The following SORCS2 variants were observed in gnomAD, a reference collection of about 807,000 sequenced individuals.
SORCS2 encodes the protein VPS10 domain-containing receptor SorCS2.
SORCS2 carries 100 observed loss-of-function variants against 141.6 expected under a neutral mutation model. The observed-to-expected ratio is 0.71, with a 90% CI of 0.60 to 0.83. SORCS2 has a LOEUF of 0.83. Among genes scored for constraint, SORCS2 ranks in the 40% least tolerant of loss-of-function variants. The pLI is 0.00. For missense variants in SORCS2, 1,646 were observed against 1,560.2 expected, an observed-to-expected ratio of 1.05 and a Z score of -0.93; for synonymous variants, 789 against 676.9, an observed-to-expected ratio of 1.17 and a Z score of -2.57.
rs1259042652 is a variant in SORCS2, at chr4:7,704,303, G to C, written c.1868+19G>C. 3 of 1,592,340 alleles carry C rather than the reference G, an allele frequency of 1.9e-6. No individual in the cohort carries two copies. Among genetic ancestry groups the C allele is most frequent in the East Asian group, 2.3e-5 (1 of 44,068 alleles). On this transcript the variant is annotated intron_variant, in intron 14 of 26. Transcript: ENST00000507866. ...TCATGACGTGAGTGCGGGGACCGGG[G>C]AGTGGGCACTGGTGGCAGGGCAGAG...
At chr4:7,297,405 C>T (rs1013110316) in intron 1 of SORCS2, among the ~76,000 whole-genome samples, 4 of 152,122 alleles carry the variant, frequency 2.6e-5, no homozygotes, top group African/African-American at 9.6e-5. Context: ...TCTGCAGGCC[C>T]CCGCCCCTCC....
In SORCS2 at chr4:7,539,869, C is replaced by G. The variant is rs1302497472; in HGVS notation, c.648+8240C>G. Among the ~76,000 whole-genome samples the G allele has an allele frequency of 1.1e-4, 17 of 151,564 alleles. No homozygotes were observed. In the East Asian group the frequency reaches 3.3e-3, roughly 30 times the overall value. On this transcript the variant is annotated intron_variant, in intron 3 of 26. Transcript: ENST00000507866. The stretch of plus-strand genomic sequence containing the variant: ...CCGCCCCATTCCTGCTGTGGAAGCC[C>G]CATCCCCTCCCTGCTGTGGGGGCCA...
chr4:7,360,514 C>G (rs1721516603), intron 1 of SORCS2, among the ~76,000 whole-genome samples: 2 of 149,792 alleles, frequency 1.3e-5, no homozygotes, highest in African/African-American at 4.9e-5. Context: ...GAGTCCCAGT[C>G]CAGGCTCTGT....
intron 3 of SORCS2, among the ~76,000 whole-genome samples, chr4:7,595,423 C>T (rs1717202990): frequency 6.6e-6 from 1 of 152,180 alleles, no homozygotes; most frequent in Non-Finnish European, 1.5e-5. Flanking sequence ...AACCCCTCTT[C>T]CCTCCCCAGA....
At chr4:7,714,121 C>T in intron 15 of SORCS2, 119 bp from the exon 16 acceptor site, 3 of 1,385,760 alleles carry the variant, frequency 2.2e-6, no homozygotes, top group Non-Finnish European at 2.9e-6. Context: ...GCCTCAGTTT[C>T]CCCATCTGTA....
intron 2 of SORCS2, among the ~76,000 whole-genome samples, chr4:7,477,561 A>G (rs1730380703): frequency 6.6e-6 from 1 of 152,098 alleles, no homozygotes; most frequent in African/African-American, 2.4e-5. Flanking sequence ...GGATTGGCTA[A>G]GAGCTCTGCA....
chr4:7,711,035 C>T (rs572110659), intron 14 of SORCS2, among the ~76,000 whole-genome samples: 37 of 152,304 alleles, frequency 2.4e-4, no homozygotes, highest in African/African-American at 8.2e-4. Context: ...CCTGGCTGCT[C>T]CCTCGACGAG....
intron 2 of SORCS2, among the ~76,000 whole-genome samples, chr4:7,502,811 G>A (rs148306946): frequency 3.7e-4 from 57 of 152,372 alleles, no homozygotes; most frequent in African/African-American, 1.3e-3. Flanking sequence ...TTGCCCCCAC[G>A]GCATGCCCAC....
Position 7,437,045 on chromosome 4 carries a change from G to A in SORCS2, c.548+40690G>A, listed in dbSNP as rs992470558. ...GGGGTGTTTTCCAACACCAACGACCGATTCTTACAGACGCCAACTGGGAGC... is the reference window on the plus strand; with the variant it reads ...GGGGTGTTTTCCAACACCAACGACCAATTCTTACAGACGCCAACTGGGAGC... On this transcript the variant is annotated intron_variant, in intron 2 of 26. Coordinates refer to ENST00000507866, the MANE Select transcript of SORCS2 (RefSeq NM_020777.3). Among the ~76,000 whole-genome samples the A allele has an allele frequency of 4.6e-5, 7 of 152,090 alleles. No homozygotes were observed. In the South Asian group the frequency reaches 1.0e-3, roughly 23 times the overall value.
At chr4:7,473,749 A>G (rs1422489359) in intron 2 of SORCS2, among the ~76,000 whole-genome samples, 2 of 142,514 alleles carry the variant, frequency 1.4e-5, no homozygotes, top group East Asian at 2.4e-4. Flanking sequence ...GGCAATGGGG[A>G]GGTGGGAGGG....
chr4:7,599,286 G>A (rs1717496450), intron 3 of SORCS2, among the ~76,000 whole-genome samples: 1 of 152,178 alleles, frequency 6.6e-6, no homozygotes, highest in Non-Finnish European at 1.5e-5. Context: ...GAGCCAACTG[G>A]TGTGGTCTCC....
chr4:7,685,439 G>A (rs111388022), intron 10 of SORCS2, among the ~76,000 whole-genome samples: 3,049 of 152,204 alleles, frequency 0.02, 100 homozygotes, highest in African/African-American at 0.071. Context: ...TTGGGAGGCC[G>A]AGGCAGGCAG....
At chr4:7,216,750 C>T (rs1327244066) in intron 1 of SORCS2, among the ~76,000 whole-genome samples, 1 of 152,154 alleles carries the variant, frequency 6.6e-6, no homozygotes, top group African/African-American at 2.4e-5. Context: ...TCCCTAGAGC[C>T]TTAATCACAC....
chr4:7,726,085 G>A (rs912490332), intron 20 of SORCS2, among the ~76,000 whole-genome samples: 5 of 152,178 alleles, frequency 3.3e-5, no homozygotes, highest in African/African-American at 9.7e-5. Context: ...GCAACATGGC[G>A]CCCACCCGGC....
At position 7,482,739 on chromosome 4, in the gene SORCS2, CGG is replaced by C. The variant is rs1292385403; in HGVS notation, c.549-48790_549-48789del. 1.1e-3 allele frequency among the ~76,000 whole-genome samples: 144 copies of C among 132,880 alleles called. 1 individual carries two copies. Among genetic ancestry groups the C allele is most frequent in the African/African-American group, 4.0e-3 (135 of 33,842 alleles). 87.2% of individuals were successfully genotyped at this position (132,880 alleles called of 152,430 possible). ...GCTGTTCAGACCTGTATCCCCGCTG[CGG>C]ACACCCCTGACGCTGTTCAGACCTG... is the stretch of plus-strand genomic sequence containing the variant. On this transcript the variant is annotated intron_variant, in intron 2 of 26. Transcript: ENST00000507866.
At chr4:7,370,181 G>T (rs760939158) in intron 1 of SORCS2, among the ~76,000 whole-genome samples, 1 of 152,164 alleles carries the variant, frequency 6.6e-6, no homozygotes, top group Non-Finnish European at 1.5e-5. Flanking sequence ...GGGAGACTGT[G>T]CCCAGAGAGG....
At chr4:7,460,315 C>T (rs1280327409) in intron 2 of SORCS2, among the ~76,000 whole-genome samples, 4 of 152,236 alleles carry the variant, frequency 2.6e-5, no homozygotes, top group Admixed American at 6.5e-5. Context: ...TGATGGGGCC[C>T]ACCTGGGCAC....
chr4:7,420,641 C>G (rs528227408), intron 2 of SORCS2, among the ~76,000 whole-genome samples: 2 of 152,236 alleles, frequency 1.3e-5, no homozygotes, highest in South Asian at 4.2e-4. Context: ...TGCTTGTCCT[C>G]TTTCCTGACG....
intron 2 of SORCS2, among the ~76,000 whole-genome samples, chr4:7,527,382 C>T (rs1226768771): frequency 1.3e-5 from 2 of 152,222 alleles, no homozygotes; most frequent in Non-Finnish European, 2.9e-5. Context: ...AGGAGGGAGC[C>T]AGAGGGACGT....
Sources: allele counts gnomAD v4.1 joint callset (sites outside exome capture counted in the v4.1 genomes callset), GRCh38; gene constraint gnomAD v4.1.1; transcripts MANE v1.5; gene names NCBI Gene and HGNC (gene_info 2026-07-23, HGNC 2026-07-21).